RGS7BP: variants seen among roughly 807,000 people sequenced by gnomAD.
The protein encoded by RGS7BP is regulator of G protein signaling 7 binding protein.
A neutral mutation model predicts 31.3 loss-of-function variants in RGS7BP; 9 were observed. The observed-to-expected ratio is 0.29, with a 90% CI of 0.17 to 0.50. The LOEUF (loss-of-function observed/expected upper bound fraction) is 0.50. Among genes scored for constraint, RGS7BP ranks in the 20% least tolerant of loss-of-function variants. The pLI is 0.98. For synonymous variants in RGS7BP, 115 were observed against 120.1 expected (o/e 0.96, Z 0.28); for missense variants, 274 against 322.0 (o/e 0.85, Z 1.14).
intron 2 of RGS7BP, among the ~76,000 whole-genome samples, chr5:64,538,753 G>A (rs10471630): frequency 1.3e-5 from 2 of 151,222 alleles, no homozygotes; most frequent in South Asian, 2.1e-4. Flanking sequence ...ATGAGGTTTC[G>A]CCAGGTTGGC....
In RGS7BP at chr5:64,610,104, A is replaced by G. The variant is rs1430206639; in HGVS notation, c.*852A>G. 6.6e-6 allele frequency: 1 copy of G among 152,458 alleles called. No homozygotes were observed. The highest frequency in any genetic ancestry group is 1.9e-4 in the East Asian group (1 of 5,174). 9.4% of individuals were successfully genotyped at this position (152,458 alleles called of 1,614,324 possible). On this transcript the variant is annotated 3_prime_UTR_variant, in exon 6 of 6. Coordinates refer to ENST00000334025, the MANE Select transcript of RGS7BP (RefSeq NM_001029875.3). ...TGAAGCATGGTGTCTGCACATCAGC[A>G]TAGTGTTAAATCTTATAGGGCATGC... is the stretch of plus-strand genomic sequence containing the variant.
chr5:64,561,726 C>CT (rs1368530333), intron 2 of RGS7BP, among the ~76,000 whole-genome samples: 3 of 152,220 alleles, frequency 2.0e-5, no homozygotes, highest in African/African-American at 2.4e-5. Context: ...GCTCACCAAG[C>CT]TTTTTTCCCT....
chr5:64,511,251 G>A (rs272629), intron 2 of RGS7BP, among the ~76,000 whole-genome samples: 62,485 of 152,082 alleles, frequency 0.41, 13,273 homozygotes, highest in Admixed American at 0.51. Flanking sequence ...CAATCAACAC[G>A]CTTTCTCAAA....
chr5:64,559,153 T>C (rs1971235), intron 2 of RGS7BP, among the ~76,000 whole-genome samples: 12,350 of 152,150 alleles, frequency 0.081, 635 homozygotes, highest in African/African-American at 0.12. Context: ...AAATTGCTAG[T>C]AAAAACTTGC....
Position 64,612,088 on chromosome 5 carries a change from T to A in RGS7BP, c.*2836T>A, listed in dbSNP as rs557767802. The A allele has an allele frequency of 1.3e-5, 2 of 152,474 alleles. No individual in the cohort carries two copies. Among genetic ancestry groups the A allele is most frequent in the South Asian group, 4.1e-4 (2 of 4,828 alleles). The allele number at this position is 152,474 out of a possible 1,614,324, so 9.4% of individuals were successfully genotyped here. A position where few individuals can be genotyped will look rare whatever the true frequency, so the allele number is the denominator to read the frequency against. On this transcript the variant is annotated 3_prime_UTR_variant, in exon 6 of 6. Coordinates refer to ENST00000334025, the MANE Select transcript of RGS7BP (RefSeq NM_001029875.3). ...TATCTTTACTATCCTGTGTTGATTT[T>A]TTTTTCAAATTACAAAGACAATACA...
chr5:64,603,817 A>G (rs1743283032), intron 5 of RGS7BP, among the ~76,000 whole-genome samples: 1 of 152,170 alleles, frequency 6.6e-6, no homozygotes, highest in African/African-American at 2.4e-5. Flanking sequence ...AGTTGCTTAC[A>G]GAGCGGTGGG....
In RGS7BP at chr5:64,538,257, T is replaced by C. The variant is rs75790929; in HGVS notation, c.332+30380T>C. On this transcript the variant is annotated intron_variant, in intron 2 of 5. Coordinates refer to ENST00000334025, the MANE Select transcript of RGS7BP (RefSeq NM_001029875.3). ...ATTTTTTGTTGTACATTTCTATGAG[T>C]TTTGACAAATGTGTAGAGTTGTATA... 3.0e-3 allele frequency among the ~76,000 whole-genome samples: 464 copies of C among 152,138 alleles called. 6 individuals are homozygous for C. The highest frequency in any genetic ancestry group is 9.5e-3 in the African/African-American group (395 of 41,506).
chr5:64,527,606 T>TAAAAAAAAAAAAAAAAAAAAAAAAAA (rs59081277), intron 2 of RGS7BP, among the ~76,000 whole-genome samples: 2 of 86,464 alleles, frequency 2.3e-5, no homozygotes, highest in South Asian at 4.2e-4. Context: ...CTTATAACAG[T>TAAAAAAAAAAAAAAAAAAAAAAAAAA]AAAAAAAAAA....
Position 64,603,208 on chromosome 5 carries a change from A to G in RGS7BP, c.682+4773A>G, listed in dbSNP as rs956295119. Among the ~76,000 whole-genome samples, 18 of 150,462 alleles carry G rather than the reference A, an allele frequency of 1.2e-4. 1 individual carries two copies. Among genetic ancestry groups the G allele is most frequent in the Admixed American group, 1.2e-3 (18 of 15,120 alleles). ...TAAAGTCAGGGGATTGGAGAGGAGG[A>G]CAGAGACAATTGGATGTGGTGCATA... On this transcript the variant is annotated intron_variant, in intron 5 of 5. Coordinates refer to ENST00000334025, the MANE Select transcript of RGS7BP (RefSeq NM_001029875.3).
chr5:64,538,546 C>CCTTTTT (rs1741442901), intron 2 of RGS7BP, among the ~76,000 whole-genome samples: 1 of 40,026 alleles, frequency 2.5e-5, no homozygotes, highest in Non-Finnish European at 4.2e-5. Context: ...TTTTCCTTTT[C>CCTTTTT]TTTTTTTTTT....
intron 2 of RGS7BP, among the ~76,000 whole-genome samples, chr5:64,559,506 C>T (rs190154412): frequency 1.5e-3 from 235 of 152,240 alleles, no homozygotes; most frequent in Non-Finnish European, 2.9e-3. Context: ...GTGCTAGGTG[C>T]CTTCTCATCT....
chr5:64,603,954 C>G (rs1444679251), intron 5 of RGS7BP, among the ~76,000 whole-genome samples: 1 of 152,134 alleles, frequency 6.6e-6, no homozygotes, highest in African/African-American at 2.4e-5. Context: ...AATGTTTAAG[C>G]TAATCTTTGA....
intron 2 of RGS7BP, among the ~76,000 whole-genome samples, chr5:64,551,267 ATT>A (rs1234455048): frequency 2.1e-5 from 3 of 140,520 alleles, no homozygotes; most frequent in Admixed American, 7.1e-5. Context: ...TTTTTATTTT[ATT>A]TTTTTTTTTT....
At chr5:64,583,506 G>C (rs1391696264) in intron 3 of RGS7BP, among the ~76,000 whole-genome samples, 2 of 152,128 alleles carry the variant, frequency 1.3e-5, no homozygotes, top group African/African-American at 4.8e-5. Flanking sequence ...GGAGAAGAAA[G>C]AGAGGAGGGG....
intron 2 of RGS7BP, among the ~76,000 whole-genome samples, chr5:64,573,244 G>T (rs1342567495): frequency 6.6e-6 from 1 of 151,822 alleles, no homozygotes; most frequent in Admixed American, 6.6e-5. Context: ...TTGGTTCCAT[G>T]ACTTGCCTTT....
intron 2 of RGS7BP, among the ~76,000 whole-genome samples, chr5:64,555,372 T>G (rs1433493855): frequency 6.6e-6 from 1 of 152,224 alleles, no homozygotes. Flanking sequence ...TTACTCAATG[T>G]GTATTTGTTT....
At chr5:64,604,889 G>T (rs1032809483) in intron 5 of RGS7BP, among the ~76,000 whole-genome samples, 1 of 152,074 alleles carries the variant, frequency 6.6e-6, no homozygotes, top group African/African-American at 2.4e-5. Context: ...AAATGTTGAG[G>T]CTGGGTATGG....
intron 5 of RGS7BP, among the ~76,000 whole-genome samples, chr5:64,602,754 G>T (rs1743252535): frequency 6.6e-6 from 1 of 152,128 alleles, no homozygotes; most frequent in Admixed American, 6.5e-5. Flanking sequence ...AGAAATTAGT[G>T]CTCACAATAT....
intron 2 of RGS7BP, among the ~76,000 whole-genome samples, chr5:64,548,867 TA>T (rs1741723904): frequency 6.6e-6 from 1 of 151,558 alleles, no homozygotes; most frequent in Admixed American, 6.6e-5. Context: ...TTTTTTTTTT[TA>T]CTAAGTACCC....
Sources: allele counts gnomAD v4.1 joint callset (sites outside exome capture counted in the v4.1 genomes callset), GRCh38; gene constraint gnomAD v4.1.1; transcripts MANE v1.5; gene names NCBI Gene and HGNC (gene_info 2026-07-23, HGNC 2026-07-21).